SEC22C: variants seen among roughly 807,000 people sequenced by gnomAD.
The protein encoded by SEC22C is vesicle-trafficking protein SEC22c.
A neutral mutation model predicts 34.7 loss-of-function variants in SEC22C; 29 were observed. The observed-to-expected ratio is 0.84, with a 90% CI of 0.62 to 1.14. SEC22C has a LOEUF of 1.14. Among genes scored for constraint, SEC22C ranks in the 50% most tolerant of loss-of-function variants. SEC22C has a pLI of 0.00. For synonymous variants in SEC22C, 117 were observed against 132.8 expected (o/e 0.88, Z 0.82); for missense variants, 337 against 369.0 (o/e 0.91, Z 0.71).
chr3:42,594,940 C>T (rs545008759), intron 1 of SEC22C: 103 of 153,434 alleles, frequency 6.7e-4, no homozygotes, highest in African/African-American at 2.4e-3. Context: ...TAAATGTGGT[C>T]CCCCTGACTG....
chr3:42,591,113 G>A, intron 1 of SEC22C: 4 of 921,270 alleles, frequency 4.3e-6, no homozygotes, highest in African/African-American at 1.6e-5. Context: ...AGATGGGCAC[G>A]AAATCAGCAC....
At chr3:42,583,543 G>C (rs564005598), upstream of SEC22C, among the ~76,000 whole-genome samples, 1 of 152,262 alleles carries the variant, frequency 6.6e-6, no homozygotes, top group South Asian at 2.1e-4. Flanking sequence ...TTTGAGACTT[G>C]GTTAGGATTT....
At chr3:42,575,530 G>A (rs1577344420) in intron 1 of SEC22C, among the ~76,000 whole-genome samples, 1 of 152,034 alleles carries the variant, frequency 6.6e-6, no homozygotes, top group African/African-American at 2.4e-5. Flanking sequence ...GAACAAAGAA[G>A]GATATTACAT....
At chr3:42,570,548 G>A (rs1172705678) in intron 1 of SEC22C, among the ~76,000 whole-genome samples, 1 of 152,164 alleles carries the variant, frequency 6.6e-6, no homozygotes, top group East Asian at 1.9e-4. Flanking sequence ...ATCCTACACA[G>A]TCCATTTGAC....
At chr3:42,589,487 A>G (rs34801786) in intron 1 of SEC22C, among the ~76,000 whole-genome samples, 26,133 of 151,980 alleles carry the variant, frequency 0.17, 2,735 homozygotes, top group African/African-American at 0.29. Context: ...GGGAAAACGA[A>G]TCTTGTTACC....
exon 1 of SEC22C, chr3:42,601,034 CA>C: frequency 6.3e-7 from 1 of 1,583,120 alleles, no homozygotes; most frequent in Non-Finnish European, 8.6e-7. Context: ...GCCGCAGTGC[CA>C]CTTCGACATC....
chr3:42,553,613 A>C (rs777040298), intron 6 of SEC22C, among the ~76,000 whole-genome samples, 165 bp from the exon 7 acceptor site: 9 of 152,176 alleles, frequency 5.9e-5, no homozygotes, highest in Non-Finnish European at 1.2e-4. Flanking sequence ...TTAGGCTGCT[A>C]ATTATTGGAC....
At chr3:42,598,740 G>A (rs1267263676) in intron 1 of SEC22C, among the ~76,000 whole-genome samples, 4 of 152,002 alleles carry the variant, frequency 2.6e-5, no homozygotes, top group Non-Finnish European at 4.4e-5. Context: ...TGGGAAAAGA[G>A]GGAAATGGGG....
At chr3:42,570,054 C>T (rs1025133060) in intron 1 of SEC22C, among the ~76,000 whole-genome samples, 1 of 152,312 alleles carries the variant, frequency 6.6e-6, no homozygotes, top group South Asian at 2.1e-4. Flanking sequence ...CTCTACTTGA[C>T]AGGATCCTCT....
At chr3:42,562,907 G>A (rs775523682) in intron 3 of SEC22C, among the ~76,000 whole-genome samples, 4 of 151,824 alleles carry the variant, frequency 2.6e-5, no homozygotes, top group South Asian at 2.1e-4. Context: ...CCAAACCACC[G>A]CAGACTGATA....
At chr3:42,559,875 C>T (rs1246405158) in intron 4 of SEC22C, among the ~76,000 whole-genome samples, 3 of 151,958 alleles carry the variant, frequency 2.0e-5, no homozygotes, top group Non-Finnish European at 4.4e-5. Context: ...AATATCAGCA[C>T]ACTGTGATCA....
chr3:42,571,584 T>C (rs976515585), intron 1 of SEC22C, among the ~76,000 whole-genome samples: 3 of 152,196 alleles, frequency 2.0e-5, no homozygotes, highest in African/African-American at 4.8e-5. Flanking sequence ...TGTAAAAATA[T>C]ACTTTGTATT....
chr3:42,587,154 C>T (rs540414801), intron 1 of SEC22C, among the ~76,000 whole-genome samples: 41 of 152,318 alleles, frequency 2.7e-4, no homozygotes, highest in African/African-American at 9.6e-4. Context: ...GGCGTCTTCC[C>T]TAACTTTCAC....
chr3:42,584,142 T>C (rs1704532508), upstream of SEC22C, among the ~76,000 whole-genome samples: 1 of 152,232 alleles, frequency 6.6e-6, no homozygotes, highest in South Asian at 2.1e-4. Context: ...TAGATCTATA[T>C]TGTAGATATA....
intron 1 of SEC22C, chr3:42,591,047 A>C: frequency 6.9e-7 from 1 of 1,457,138 alleles, no homozygotes; most frequent in Non-Finnish European, 9.3e-7. Context: ...AGCATCCTGT[A>C]GTGAGCGGCC....
At chr3:42,569,721 C>T in intron 1 of SEC22C, among the ~76,000 whole-genome samples, 1 of 152,162 alleles carries the variant, frequency 6.6e-6, no homozygotes, top group East Asian at 1.9e-4. Flanking sequence ...CTACATATGG[C>T]TAAAGGCAAT....
At chr3:42,569,924 C>T (rs1703507312) in intron 1 of SEC22C, among the ~76,000 whole-genome samples, 1 of 152,168 alleles carries the variant, frequency 6.6e-6, no homozygotes, top group Admixed American at 6.5e-5. Flanking sequence ...GGTGCTTGTT[C>T]AGGGCATAAC....
chr3:42,551,710 T>C lies in SEC22C; in HGVS notation c.*1538A>G. On this transcript the variant is annotated 3_prime_UTR_variant, in exon 7 of 7. Transcript: ENST00000264454. Reference sequence around the variant, plus strand: ...AAAAAATAAAGTTACTATGGCAACATTTTCCCAACATAGTTCCCAGTATAT... The same window carrying C: ...AAAAAATAAAGTTACTATGGCAACACTTTCCCAACATAGTTCCCAGTATAT... The C allele has an allele frequency of 1.0e-6, 1 of 962,100 alleles. No individual in the cohort carries two copies. The highest frequency in any genetic ancestry group is 1.2e-6 in the Non-Finnish European group (1 of 808,734). The allele number at this position is 962,100 out of a possible 1,614,324, so 59.6% of individuals were successfully genotyped here.
rs144063709 is a variant in SEC22C at position 42,555,588 on chromosome 3, T to C, written c.711+342A>G. Among the ~76,000 whole-genome samples the C allele has an allele frequency of 1.6e-4, 25 of 152,330 alleles. No individual in the cohort carries two copies. In the East Asian group the frequency reaches 4.8e-3, roughly 29 times the overall value. On this transcript the variant is annotated intron_variant, in intron 6 of 6. Transcript: ENST00000264454. ...CTAATAATAAGCACAAGGCAATATC[T>C]TGCCACTCACTAGTCAGGCCTAATC...
Sources: allele counts gnomAD v4.1 joint callset (sites outside exome capture counted in the v4.1 genomes callset), GRCh38; gene constraint gnomAD v4.1.1; transcripts MANE v1.5; gene names NCBI Gene and HGNC (gene_info 2026-07-23, HGNC 2026-07-21).